SGCZ: variants seen among roughly 807,000 people sequenced by gnomAD.
SGCZ encodes the protein sarcoglycan zeta.
Under a neutral mutation model 41.3 loss-of-function variants are expected in SGCZ, and 40 were observed. The ratio of observed to expected loss-of-function variants is 0.97; its 90% CI spans 0.75 to 1.26. The LOEUF is 1.26. SGCZ is among the 50% of genes most tolerant of loss of function. SGCZ has a pLI of 0.00. For missense variants in SGCZ, 552 were observed against 369.8 expected (o/e 1.49, Z -4.04); for synonymous variants, 206 against 137.5 (o/e 1.50, Z -3.49).
intron 1 of SGCZ, among the ~76,000 whole-genome samples, chr8:14,663,390 A>C (rs1199235984): frequency 1.3e-5 from 2 of 152,172 alleles, no homozygotes; most frequent in Non-Finnish European, 2.9e-5. Flanking sequence ...ATGTATTGCT[A>C]TATTTCACCT....
chr8:14,833,165 T>G lies in SGCZ; in HGVS notation c.40-278239A>C, dbSNP rs148621390. 7.7e-3 allele frequency among the ~76,000 whole-genome samples: 1,176 copies of G among 152,222 alleles called. 13 individuals are homozygous for G. Among genetic ancestry groups the G allele is most frequent in the African/African-American group, 0.023 (957 of 41,540 alleles). ...CAGGAATAATGTAGTATTAATGTATTCAGGTTTTGAAATGTGAATTAATAT... is the reference window on the plus strand; with the variant it reads ...CAGGAATAATGTAGTATTAATGTATGCAGGTTTTGAAATGTGAATTAATAT... On this transcript the variant is annotated intron_variant, in intron 1 of 7. Coordinates refer to ENST00000382080, the MANE Select transcript of SGCZ (RefSeq NM_139167.4).
chr8:14,446,574 G>A (rs1800437809), intron 2 of SGCZ, among the ~76,000 whole-genome samples: 1 of 152,104 alleles, frequency 6.6e-6, no homozygotes, highest in Non-Finnish European at 1.5e-5. Context: ...ATTTAGAAAG[G>A]CATTTTACTG....
intron 1 of SGCZ, among the ~76,000 whole-genome samples, chr8:14,929,745 T>C (rs1187550548): frequency 1.3e-5 from 2 of 152,062 alleles, no homozygotes; most frequent in Admixed American, 6.5e-5. Context: ...CAGGTTTTCA[T>C]GGGTAATTAA....
chr8:15,140,302 G>A (rs1190447356), intron 1 of SGCZ, among the ~76,000 whole-genome samples: 4 of 152,112 alleles, frequency 2.6e-5, no homozygotes, highest in African/African-American at 4.8e-5. Context: ...TGGAATAACA[G>A]GTATGAGCCA....
chr8:14,318,373 C>A (rs1199896819), intron 3 of SGCZ, among the ~76,000 whole-genome samples: 1 of 151,806 alleles, frequency 6.6e-6, no homozygotes, highest in African/African-American at 2.4e-5. Context: ...TTTTGAACAA[C>A]CAACAATTTC....
At chr8:14,993,238 C>G (rs949110293) in intron 1 of SGCZ, among the ~76,000 whole-genome samples, 2 of 152,152 alleles carry the variant, frequency 1.3e-5, no homozygotes, top group African/African-American at 4.8e-5. Context: ...TGCCAGGTCT[C>G]TCCTACCACA....
At chr8:14,564,527 G>GA (rs1277943722) in intron 1 of SGCZ, among the ~76,000 whole-genome samples, 8 of 152,032 alleles carry the variant, frequency 5.3e-5, no homozygotes, top group Non-Finnish European at 1.2e-4. Context: ...CATATATAAA[G>GA]GCAATCTGGG....
intron 1 of SGCZ, among the ~76,000 whole-genome samples, chr8:14,840,014 C>T (rs1802844837): frequency 6.6e-6 from 1 of 151,960 alleles, no homozygotes; most frequent in Non-Finnish European, 1.5e-5. Flanking sequence ...TTTTACACCA[C>T]TTTACACTAC....
chr8:14,842,786 G>C (rs1057469149), intron 1 of SGCZ, among the ~76,000 whole-genome samples: 2 of 152,162 alleles, frequency 1.3e-5, no homozygotes, highest in Non-Finnish European at 2.9e-5. Context: ...GCACAGACTA[G>C]ATAAATGAAT....
chr8:14,303,077 T>A (rs1801247825), intron 3 of SGCZ, among the ~76,000 whole-genome samples: 1 of 152,156 alleles, frequency 6.6e-6, no homozygotes, highest in African/African-American at 2.4e-5. Flanking sequence ...AACCTCCTGA[T>A]ACATTAGATG....
At chr8:14,943,534 G>T (rs1422770002) in intron 1 of SGCZ, among the ~76,000 whole-genome samples, 1 of 152,140 alleles carries the variant, frequency 6.6e-6, no homozygotes, top group African/African-American at 2.4e-5. Context: ...CCATCTATGA[G>T]AATGGAACAG....
intron 1 of SGCZ, among the ~76,000 whole-genome samples, chr8:14,810,322 G>C (rs866120945): frequency 1.3e-5 from 2 of 152,010 alleles, no homozygotes; most frequent in Non-Finnish European, 2.9e-5. Flanking sequence ...TATTGCTATA[G>C]ATATTTGAAG....
At chr8:14,465,584 T>C (rs2116964260) in intron 2 of SGCZ, among the ~76,000 whole-genome samples, 1 of 151,894 alleles carries the variant, frequency 6.6e-6, no homozygotes, top group African/African-American at 2.4e-5. Context: ...TTCTTTCTTG[T>C]ATTACTGTAT....
rs1803823834 is a variant in SGCZ, at chr8:14,551,489, T to TTATATATAATA, written c.234+3242_234+3243insTATTATATATA. Among the ~76,000 whole-genome samples the TTATATATAATA allele has an allele frequency of 5.8e-3, 36 of 6,254 alleles. 2 individuals carry two copies. The highest frequency in any genetic ancestry group is 0.015 in the South Asian group (4 of 266). The allele number at this position is 6,254 out of a possible 152,430, so 4.1% of individuals were successfully genotyped here. ...TTATATATATTATATATTATATATATTATATATATTATATATATTATATAT... is the reference window on the plus strand; with the variant it reads ...TTATATATATTATATATTATATATATTATATATAATATATATATATTATATATATTATATAT... On this transcript the variant is annotated intron_variant, in intron 2 of 7. Transcript: ENST00000382080.
At chr8:14,980,675 T>C (rs1431269281) in intron 1 of SGCZ, among the ~76,000 whole-genome samples, 1 of 152,110 alleles carries the variant, frequency 6.6e-6, no homozygotes, top group African/African-American at 2.4e-5. Flanking sequence ...AACCATCAGA[T>C]CTCATGAGAC....
chr8:14,688,116 T>C (rs1349427258), intron 1 of SGCZ, among the ~76,000 whole-genome samples: 3 of 152,186 alleles, frequency 2.0e-5, no homozygotes, highest in African/African-American at 7.2e-5. Context: ...ATGAGTAGGT[T>C]GCGAAAATTT....
At chr8:14,270,675 T>C (rs1800028037) in intron 3 of SGCZ, among the ~76,000 whole-genome samples, 1 of 152,112 alleles carries the variant, frequency 6.6e-6, no homozygotes, top group South Asian at 2.1e-4. Context: ...ATACCACACT[T>C]TCATAAGAAA....
intron 1 of SGCZ, among the ~76,000 whole-genome samples, chr8:14,667,299 G>A (rs1807940795): frequency 6.6e-6 from 1 of 152,076 alleles, no homozygotes; most frequent in African/African-American, 2.4e-5. Context: ...AAAGTTATTT[G>A]GCTCCTAGAG....
rs532962490 is a variant in SGCZ, at chr8:15,223,714, T to C, written c.39+13871A>G. Among the ~76,000 whole-genome samples the C allele has an allele frequency of 3.9e-5, 6 of 152,278 alleles. No homozygotes were observed. The East Asian group carries it at 7.7e-4, about 20-fold the overall frequency. ...ATAAAACATAGACAATCCATAATCC[T>C]CATTGTTTTTACTAATTATATTTTG... On this transcript the variant is annotated intron_variant, in intron 1 of 7. Transcript: ENST00000382080.
Sources: allele counts gnomAD v4.1 joint callset (sites outside exome capture counted in the v4.1 genomes callset), GRCh38; gene constraint gnomAD v4.1.1; transcripts MANE v1.5; gene names NCBI Gene and HGNC (gene_info 2026-07-23, HGNC 2026-07-21).